Variants in EHBP1 observed in about 807,000 individuals in gnomAD.
EHBP1 encodes EH domain binding protein 1.
Under a neutral mutation model 144.0 loss-of-function variants are expected in EHBP1, and 55 were observed. The ratio of observed to expected loss-of-function variants is 0.38; its 90% confidence interval spans 0.31 to 0.48. EHBP1 has a LOEUF of 0.48. Ranked by LOEUF, EHBP1 falls within the 20% of genes least tolerant of loss-of-function variation. The pLI is 0.98. For synonymous variants in EHBP1, 469 were observed against 472.7 expected (o/e 0.99, Z 0.10); for missense variants, 1,200 against 1,364.2 (o/e 0.88, Z 1.90).
chr2:62,699,724 C>T (rs360807), intron 1 of EHBP1, among the ~76,000 whole-genome samples: 50,963 of 152,114 alleles, frequency 0.34, 8,569 homozygotes, highest in Middle Eastern at 0.44. Context: ...AATGTCCACA[C>T]TTTGAATATC....
Position 62,983,231 on chromosome 2 carries a change from A to G in EHBP1, c.2608+3896A>G, listed in dbSNP as rs371676243. Among the ~76,000 whole-genome samples the G allele has an allele frequency of 4.9e-4, 74 of 152,236 alleles. 1 individual carries two copies. Among genetic ancestry groups the G allele is most frequent in the African/African-American group, 1.6e-3 (66 of 41,552 alleles). ...CAAGGTACAGATGTTGATAAAGTTT[A>G]GTATTTTTGGTTTTAGTTATGTAGT... On this transcript the variant is annotated intron_variant, in intron 15 of 22. Coordinates refer to ENST00000431489, the MANE Select transcript of EHBP1 (RefSeq NM_001142616.3).
At chr2:62,825,926 T>C (rs2046314745) in intron 5 of EHBP1, 161 bp from the exon 6 acceptor site, 1 of 489,776 alleles carries the variant, frequency 2.0e-6, no homozygotes, top group East Asian at 3.6e-5. Flanking sequence ...ACAACTGTGA[T>C]ACAACTTCAT....
chr2:62,735,329 T>G (rs1264966883), intron 2 of EHBP1, among the ~76,000 whole-genome samples: 1 of 152,096 alleles, frequency 6.6e-6, no homozygotes, highest in Non-Finnish European at 1.5e-5. Flanking sequence ...CATTTAAAAC[T>G]AATCCAGGTC....
chr2:62,727,615 G>A (rs2036958305), intron 2 of EHBP1, among the ~76,000 whole-genome samples: 1 of 152,110 alleles, frequency 6.6e-6, no homozygotes, highest in African/African-American at 2.4e-5. Flanking sequence ...GTTCATCCAT[G>A]TGTAACAAAT....
At chr2:62,982,235 G>A (rs1559021351) in intron 15 of EHBP1, among the ~76,000 whole-genome samples, 1 of 152,180 alleles carries the variant, frequency 6.6e-6, no homozygotes, top group Non-Finnish European at 1.5e-5. Flanking sequence ...CCAGGATTTG[G>A]CAGACATCCT....
intron 21 of EHBP1, among the ~76,000 whole-genome samples, chr2:63,039,958 T>C (rs2061591527): frequency 6.6e-6 from 1 of 152,046 alleles, no homozygotes; most frequent in Non-Finnish European, 1.5e-5. Flanking sequence ...AATTATAGCA[T>C]TGATAATGAC....
At chr2:63,030,372 T>C (rs1448881226) in intron 19 of EHBP1, among the ~76,000 whole-genome samples, 2 of 152,142 alleles carry the variant, frequency 1.3e-5, no homozygotes, top group Non-Finnish European at 2.9e-5. Context: ...TAAATGCTTA[T>C]AAATATCTGT....
chr2:62,750,693 C>G (rs1417988271), intron 3 of EHBP1, among the ~76,000 whole-genome samples: 1 of 152,130 alleles, frequency 6.6e-6, no homozygotes, highest in Non-Finnish European at 1.5e-5. Flanking sequence ...TGAAGAAGTC[C>G]TTCACATCCC....
rs1365903672 is a variant in EHBP1, at chr2:62,826,127, G to C, written c.353G>C (p.Ser118Thr). The C allele has an allele frequency of 2.6e-6, 4 of 1,543,836 alleles. No individual in the cohort carries two copies. The highest frequency in any genetic ancestry group is 3.5e-6 in the Non-Finnish European group (4 of 1,145,996). ...SGRRKALATSSINMKQYASPM... is the reference protein window; with the variant it reads ...SGRRKALATSTINMKQYASPM... ...CGAAGGAAAGCTCTTGCTACTAGCA[G>C]CATCAATATGAAACAGTATGCAAGC... Residue 118 changes from serine (S) to threonine (T), a missense_variant, in exon 6 of 23, where the codon AGC (serine) becomes ACC (threonine). Coordinates refer to ENST00000431489, the MANE Select transcript of EHBP1 (RefSeq NM_001142616.3).
At chr2:62,964,973 A>G (rs1224550664) in intron 14 of EHBP1, 1 of 152,674 alleles carries the variant, frequency 6.5e-6, no homozygotes, top group African/African-American at 2.4e-5. Context: ...ATTTTGGTCA[A>G]GGTAATTATA....
intron 7 of EHBP1, among the ~76,000 whole-genome samples, chr2:62,850,379 TC>T (rs1334157157): frequency 6.6e-6 from 1 of 151,702 alleles, no homozygotes; most frequent in Non-Finnish European, 1.5e-5. Context: ...GCCATCCCCA[TC>T]CCCACCTTTT....
intron 7 of EHBP1, among the ~76,000 whole-genome samples, chr2:62,845,640 C>G (rs941319163): frequency 6.6e-6 from 1 of 151,538 alleles, no homozygotes; most frequent in African/African-American, 2.4e-5. Flanking sequence ...CTGGCATCCA[C>G]CCACCAGTAC....
intron 15 of EHBP1, among the ~76,000 whole-genome samples, chr2:62,980,433 G>A (rs564168628): frequency 6.6e-6 from 1 of 152,262 alleles, no homozygotes; most frequent in South Asian, 2.1e-4. Flanking sequence ...CTGGTCCATG[G>A]CCCTGGGTTT....
intron 5 of EHBP1, among the ~76,000 whole-genome samples, chr2:62,788,675 T>G (rs2042973501): frequency 6.6e-6 from 1 of 152,180 alleles, no homozygotes; most frequent in African/African-American, 2.4e-5. Flanking sequence ...TAAGAAATTA[T>G]TTTACTTAAT....
chr2:62,833,589 T>C (rs1288402610), intron 7 of EHBP1, among the ~76,000 whole-genome samples: 2 of 152,208 alleles, frequency 1.3e-5, no homozygotes, highest in Non-Finnish European at 2.9e-5. Flanking sequence ...AAAAGATGCT[T>C]TCCAAAATAC....
chr2:62,808,546 C>A (rs1403149601), intron 5 of EHBP1, among the ~76,000 whole-genome samples: 2 of 152,082 alleles, frequency 1.3e-5, no homozygotes, highest in South Asian at 2.1e-4. Context: ...CTATTAGAGC[C>A]CTTAGCATAT....
At chr2:62,696,500 T>C (rs2034099945) in intron 1 of EHBP1, among the ~76,000 whole-genome samples, 1 of 137,776 alleles carries the variant, frequency 7.3e-6, no homozygotes, top group Non-Finnish European at 1.5e-5. Flanking sequence ...TCTTTTCTTT[T>C]TTTTCTTCTT....
intron 10 of EHBP1, among the ~76,000 whole-genome samples, chr2:62,877,188 AAG>A (rs2050958319): frequency 1.3e-5 from 2 of 152,166 alleles, no homozygotes; most frequent in African/African-American, 2.4e-5. Flanking sequence ...GAAAACAAAA[AAG>A]AGGAGGGGTT....
intron 9 of EHBP1, among the ~76,000 whole-genome samples, chr2:62,874,016 A>G (rs1210956515): frequency 2.0e-5 from 3 of 152,188 alleles, no homozygotes; most frequent in Non-Finnish European, 2.9e-5. Flanking sequence ...CATTTTTTAC[A>G]TCTTACTTCC....
Sources: gnomAD v4.1 joint callset for allele counts (sites outside exome capture counted in the v4.1 genomes callset) on GRCh38, gnomAD v4.1.1 for gene constraint, MANE v1.5 for transcripts, NCBI Gene and HGNC (gene_info 2026-07-23, HGNC 2026-07-21) for gene names.